The following DEPDC5 variants were observed in gnomAD, a reference collection of about 807,000 sequenced individuals.
DEPDC5 encodes DEP domain containing 5, GATOR1 subcomplex subunit, also known as GATOR1 complex protein DEPDC5.
In DEPDC5, 73 loss-of-function variants were observed where a neutral mutation model predicts 217.3. That is an observed-to-expected ratio of 0.34 (90% CI 0.28 to 0.41). The LOEUF (loss-of-function observed/expected upper bound fraction) is 0.41. Ranked by LOEUF, DEPDC5 falls within the 10% of genes least tolerant of loss-of-function variation. DEPDC5 has a pLI of 1.00. For missense variants in DEPDC5, 1,675 were observed against 2,070.1 expected (o/e 0.81, Z 3.70); for synonymous variants, 733 against 756.7 (o/e 0.97, Z 0.51).
At chr22:31,863,539 A>G (rs901473762) in intron 33 of DEPDC5, among the ~76,000 whole-genome samples, 1 of 152,208 alleles carries the variant, frequency 6.6e-6, no homozygotes, top group African/African-American at 2.4e-5. Flanking sequence ...TAAGGATTAT[A>G]TTACCCACCA....
chr22:31,901,397 T>A (rs1450615119), intron 40 of DEPDC5, among the ~76,000 whole-genome samples: 1 of 152,208 alleles, frequency 6.6e-6, no homozygotes, highest in African/African-American at 2.4e-5. Flanking sequence ...CAGTTTATCT[T>A]CTGTTTGTAC....
chr22:31,792,147 C>A, intron 11 of DEPDC5, 45 bp downstream of exon 11: 2 of 1,378,842 alleles, frequency 1.5e-6, no homozygotes. Context: ...TGTTAAGCTT[C>A]CCCCAACCCC....
At chr22:31,765,194 TTTCAG>T in intron 5 of DEPDC5, 134 bp downstream of exon 5, 1 of 696,220 alleles carries the variant, frequency 1.4e-6, no homozygotes. Flanking sequence ...GGTGTGGTAA[TTTCAG>T]TACATCAGGA....
intron 10 of DEPDC5, among the ~76,000 whole-genome samples, chr22:31,790,508 A>G (rs1257102450): frequency 2.6e-5 from 4 of 152,316 alleles, no homozygotes; most frequent in African/African-American, 9.6e-5. Flanking sequence ...CGCTGAGTCC[A>G]GAGCAAACCC....
intron 28 of DEPDC5, 79 bp downstream of exon 28, chr22:31,843,291 A>T (rs2091509361): frequency 2.2e-6 from 3 of 1,377,008 alleles, no homozygotes; most frequent in Non-Finnish European, 3.0e-6. Flanking sequence ...ATAGTACATC[A>T]TTCAAACTGA....
intron 10 of DEPDC5, among the ~76,000 whole-genome samples, chr22:31,785,738 ATAT>A (rs1476996344): frequency 1.3e-5 from 2 of 152,198 alleles, no homozygotes; most frequent in Non-Finnish European, 2.9e-5. Context: ...GAATAGTGTG[ATAT>A]TGGCATAAGG....
Position 31,845,184 on chromosome 22 carries a change from G to A in DEPDC5, c.2968G>A (p.Val990Met). 6.2e-7 allele frequency: 1 copy of A among 1,614,202 alleles called. No homozygotes were observed. Among genetic ancestry groups the A allele is most frequent in the Non-Finnish European group, 8.5e-7 (1 of 1,180,032 alleles). ...ACTCCTGGATGGTTTTGTCCGCTTT[G>A]TGGAGGGCTTGAATCGCATTCGCAG... ...WQLLDGFVRF[V>M]EGLNRIRRRH... Residue 990 changes from valine (V) to methionine (M), a missense_variant, in exon 30 of 43, where the codon GTG (valine) becomes ATG (methionine). Around this residue, in one of 11 missense-constraint regions of DEPDC5, gnomAD observed 293 missense variants for 386.1 expected, o/e 0.76. Coordinates refer to ENST00000651528, the MANE Select transcript of DEPDC5 (RefSeq NM_001242896.3).
chr22:31,796,673 A>G (rs536107638), intron 12 of DEPDC5, among the ~76,000 whole-genome samples: 43 of 151,696 alleles, frequency 2.8e-4, no homozygotes, highest in Non-Finnish European at 4.7e-4. Flanking sequence ...CCTAGCAGCA[A>G]TTTCTGTGTT....
intron 39 of DEPDC5, among the ~76,000 whole-genome samples, chr22:31,895,262 C>T (rs2149387079): frequency 1.3e-5 from 2 of 152,218 alleles, no homozygotes; most frequent in Admixed American, 1.3e-4. Flanking sequence ...ACAGGGCAGC[C>T]CCCACAACAA....
At chr22:31,865,749 GA>G (rs928409537) in intron 33 of DEPDC5, among the ~76,000 whole-genome samples, 31 of 152,342 alleles carry the variant, frequency 2.0e-4, no homozygotes, top group Non-Finnish European at 1.6e-4. Flanking sequence ...TGAGGGCAGA[GA>G]GAAGGTTTTA....
At chr22:31,865,000 A>G (rs2092647084) in intron 33 of DEPDC5, among the ~76,000 whole-genome samples, 1 of 138,418 alleles carries the variant, frequency 7.2e-6, no homozygotes. Context: ...CTAATTTTGT[A>G]GTTTTAGTAG....
intron 6 of DEPDC5, among the ~76,000 whole-genome samples, chr22:31,767,762 T>G (rs921900438): frequency 1.8e-4 from 28 of 151,874 alleles, no homozygotes; most frequent in Admixed American, 7.9e-4. Context: ...GTTTATTTTT[T>G]TTGAGACAGA....
At chr22:31,766,733 A>G in intron 6 of DEPDC5, 65 bp downstream of exon 6, 1 of 1,399,988 alleles carries the variant, frequency 7.1e-7, no homozygotes, top group Non-Finnish European at 1.0e-6. Context: ...CCTGTTTATT[A>G]TGGGAGAAGA....
In DEPDC5 at chr22:31,785,475, T is replaced by A. The variant is rs150749544; in HGVS notation, c.624+600T>A. Among the ~76,000 whole-genome samples the A allele has an allele frequency of 2.3e-3, 351 of 152,236 alleles. 1 individual carries two copies. Among genetic ancestry groups the A allele is most frequent in the African/African-American group, 7.6e-3 (315 of 41,556 alleles). ...TGAAAGGAGTTAATGAAGACCTAAG[T>A]AAATAGTAAGATAACCTGTGTTCAC... On this transcript the variant is annotated intron_variant, in intron 10 of 42. Transcript: ENST00000651528.
intron 12 of DEPDC5, among the ~76,000 whole-genome samples, chr22:31,793,557 T>C (rs1239934773): frequency 6.6e-6 from 1 of 152,022 alleles, no homozygotes; most frequent in Non-Finnish European, 1.5e-5. Context: ...ATCATGATCA[T>C]GTTTAACGTT....
chr22:31,808,341 A>G (rs1402472500), intron 18 of DEPDC5, among the ~76,000 whole-genome samples: 1 of 150,712 alleles, frequency 6.6e-6, no homozygotes, highest in Non-Finnish European at 1.5e-5. Flanking sequence ...GCTCACTGTA[A>G]CCTCTGCCTC....
intron 32 of DEPDC5, chr22:31,858,635 T>G (rs1178346477): frequency 2.0e-5 from 3 of 152,226 alleles, no homozygotes; most frequent in African/African-American, 7.2e-5. Context: ...ATTATATACT[T>G]TTTTCTTTCG....
At chr22:31,792,886 G>C in intron 12 of DEPDC5, 69 bp downstream of exon 12, 1 of 1,337,208 alleles carries the variant, frequency 7.5e-7, no homozygotes, top group East Asian at 2.9e-5. Context: ...TTAAAAATAA[G>C]TCAGCCTGGG....
At chr22:31,798,522 T>TA (rs528073098) in intron 13 of DEPDC5, 60 bp from the exon 14 acceptor site, 6,446 of 1,334,064 alleles carry the variant, frequency 4.8e-3, no homozygotes, top group East Asian at 7.7e-3. Flanking sequence ...CGTTTAAAAT[T>TA]AAAAAAAAAA....
Sources: gnomAD v4.1 joint callset for allele counts (sites outside exome capture counted in the v4.1 genomes callset) on GRCh38, gnomAD v4.1.1 for gene constraint, gnomAD v4.1.1 regional missense constraint, MANE v1.5 for transcripts, NCBI Gene and HGNC (gene_info 2026-07-23, HGNC 2026-07-21) for gene names.